The following CAMTA2 variants were observed in gnomAD, a reference collection of about 807,000 sequenced individuals.
The protein encoded by CAMTA2 is calmodulin-binding transcription activator 2.
Under a neutral mutation model 135.7 loss-of-function variants are expected in CAMTA2, and 56 were observed. The ratio of observed to expected loss-of-function variants is 0.41; its 90% CI spans 0.33 to 0.52. The LOEUF (loss-of-function observed/expected upper bound fraction) is 0.52. CAMTA2 is among the 20% of genes least tolerant of loss of function. The pLI, the probability that CAMTA2 is intolerant of heterozygous loss-of-function variation, is 0.16. For synonymous variants in CAMTA2, 591 were observed against 604.6 expected (o/e 0.98, Z 0.33); for missense variants, 1,358 against 1,553.4 (o/e 0.87, Z 2.11).
chr17:4,977,377 T>C (rs937899441), intron 10 of CAMTA2, among the ~76,000 whole-genome samples, 185 bp from the exon 11 acceptor site: 11 of 152,272 alleles, frequency 7.2e-5, no homozygotes, highest in Non-Finnish European at 1.5e-4. Context: ...GAGAACTTAA[T>C]ACGTACTATG....
At chr17:4,973,462 C>T in intron 13 of CAMTA2, 123 bp downstream of exon 13, 1 of 1,051,302 alleles carries the variant, frequency 9.5e-7, no homozygotes, top group Non-Finnish European at 1.4e-6. Flanking sequence ...TCCCAACCCC[C>T]TCCCTTCCCA....
At position 4,970,437 on chromosome 17, in the gene CAMTA2, G is replaced by T; in HGVS notation, c.2908C>A (p.Arg970=). Residue 970 remains arginine (R), a synonymous_variant, in exon 17 of 23, where the codon CGG becomes AGG. Coordinates refer to ENST00000348066, the MANE Select transcript of CAMTA2 (RefSeq NM_015099.4). ...AGCCCCACAGCCCCTGTCCGCTCCC[G>T]CATTGAGGCTCCAGCCTCGGGCAGC... The part of the protein sequence containing the change: ...VGLPEAGASM[R]ERTGAVGLSE... 6.2e-7 allele frequency: 1 copy of T among 1,614,086 alleles called. No individual in the cohort carries two copies. The highest frequency in any genetic ancestry group is 8.5e-7 in the Non-Finnish European group (1 of 1,179,988).
chr17:4,974,317 G>A, intron 12 of CAMTA2, 68 bp downstream of exon 12: 1 of 980,212 alleles, frequency 1.0e-6, no homozygotes, highest in South Asian at 1.3e-5. Context: ...ATGGGCACTA[G>A]ATGTTTTCTT....
Position 4,972,926 on chromosome 17 carries a change from T to C in CAMTA2, c.2346A>G (p.Ala782=). 6.8e-6 allele frequency: 11 copies of C among 1,613,808 alleles called. No homozygotes were observed. The highest frequency in any genetic ancestry group is 9.3e-6 in the Non-Finnish European group (11 of 1,179,998). The change falls in exon 15 of 23, where the codon GCA becomes GCG. Residue 782 remains alanine, a synonymous_variant. Coordinates refer to ENST00000348066, the MANE Select transcript of CAMTA2 (RefSeq NM_015099.4). ...GGCCCAGAGAGTCGGGAATGCTCAG[T>C]GCCTGTCGGTTCCAACGGAAAAGGA... ...AVLLFRWNRQ[A]LSIPDSLGRL...
Position 4,980,471 on chromosome 17 carries a change from G to A in CAMTA2, c.851C>T (p.Pro284Leu). 6.2e-7 allele frequency: 1 copy of A among 1,613,180 alleles called. No homozygotes were observed. Among genetic ancestry groups the A allele is most frequent in the Non-Finnish European group, 8.5e-7 (1 of 1,179,636 alleles). The change falls in exon 9 of 23, where the codon CCC (proline) becomes CTC (leucine). Residue 284 changes from proline (P) to leucine (L), a missense_variant. Pro to Leu is a moderately conservative substitution (Grantham distance 98). Coordinates refer to ENST00000348066, the MANE Select transcript of CAMTA2 (RefSeq NM_015099.4). The surrounding 1 kb of genome is among the most constrained non-coding windows in gnomAD (Gnocchi z 5.3). The part of the protein sequence containing the change: ...PLIAPLPPEL[P>L]KAHTSPSSSS... ...AGAAGATGGGGAGGTGTGTGCCTTG[G>A]GGAGCTCTGGGGGAAGTGGGGCTAT...
rs749557845 is a variant in CAMTA2 at position 4,974,497 on chromosome 17, T to C, written c.1904A>G (p.Asn635Ser). ...CTCTAGTATGGACATCCGGAACTGG[T>C]TGTCTGAGGGGGAACGGGTATGGGA... ...TQLDWLSLDD[N>S]QFRMSILERL... Residue 635 changes from asparagine to serine, a missense_variant, in exon 12 of 23, where the codon AAC becomes AGC. By Grantham distance (46) the Asn-to-Ser change is conservative (BLOSUM62 1). Around this residue, in one of 4 missense-constraint regions of CAMTA2, gnomAD observed 1,077 missense variants for 1,127.5 expected, o/e 0.96. Coordinates refer to ENST00000348066, the MANE Select transcript of CAMTA2 (RefSeq NM_015099.4). 11 of 1,607,614 alleles carry C rather than the reference T, an allele frequency of 6.8e-6. No individual in the cohort carries two copies. In the East Asian group the frequency reaches 1.8e-4, roughly 26 times the overall value.
chr17:4,971,322 C>A (rs753213313), intron 16 of CAMTA2, among the ~76,000 whole-genome samples: 1 of 152,180 alleles, frequency 6.6e-6, no homozygotes, highest in Non-Finnish European at 1.5e-5. Context: ...ACGGTTAACT[C>A]CTACAAACCA....
chr17:4,981,925 C>A, intron 6 of CAMTA2, 94 bp from the exon 7 acceptor site: 9 of 1,388,112 alleles, frequency 6.5e-6, no homozygotes, highest in Non-Finnish European at 8.9e-6. Context: ...ACCCTCCTAA[C>A]CTCGCCCCCA....
chr17:4,973,030 G>A (rs749948490), intron 14 of CAMTA2, 39 bp from the exon 15 acceptor site: 19 of 1,567,566 alleles, frequency 1.2e-5, no homozygotes, highest in Non-Finnish European at 1.7e-5. Flanking sequence ...CGGAGGTGGA[G>A]GTGAGGCCAG....
Position 4,972,448 on chromosome 17 carries a change from G to A in CAMTA2, c.2592C>T (p.Pro864=), listed in dbSNP as rs758145052. 2 of 1,613,650 alleles carry A rather than the reference G, an allele frequency of 1.2e-6. No homozygotes were observed. Among genetic ancestry groups the A allele is most frequent in the Non-Finnish European group, 1.7e-6 (2 of 1,179,766 alleles). The change falls in exon 16 of 23, where the codon CCC becomes CCT. Residue 864 remains proline, a synonymous_variant. Transcript: ENST00000348066. ...SAYSSAPDGS[P]PPAPLPASEM... is the part of the protein sequence containing the mutation. ...CAGAGGCTGGCAGAGGTGCAGGGGGGGGACTGCCATCTGGGGCACTAGAAT... is the reference window on the plus strand; with the variant it reads ...CAGAGGCTGGCAGAGGTGCAGGGGGAGGACTGCCATCTGGGGCACTAGAAT...
Position 4,980,649 on chromosome 17 carries a change from GGA to G in CAMTA2, c.701-30_701-29del, listed in dbSNP as rs1972906630. 1.3e-6 allele frequency: 2 copies of G among 1,569,998 alleles called. No individual in the cohort carries two copies. Among genetic ancestry groups the G allele is most frequent in the Non-Finnish European group, 1.8e-6 (2 of 1,141,310 alleles). On this transcript the variant is annotated intron_variant, in intron 8 of 22. Transcript: ENST00000348066. The surrounding 1 kb of genome is among the most constrained non-coding windows in gnomAD (Gnocchi z 5.3). Reference sequence around the variant, plus strand: ...GGAGTGGAGAGGAGTAGGAGGGAGAGGAGATAAGACACATCATTCCGCACCTT... The same window carrying G: ...GGAGTGGAGAGGAGTAGGAGGGAGAGGATAAGACACATCATTCCGCACCTT...
At chr17:4,976,315 T>A (rs1972613781) in intron 11 of CAMTA2, among the ~76,000 whole-genome samples, 1 of 152,220 alleles carries the variant, frequency 6.6e-6, no homozygotes, top group Non-Finnish European at 1.5e-5. Flanking sequence ...CAGAAATTTT[T>A]ATTTTCTATT....
chr17:4,986,620 T>C (rs1415345152), intron 1 of CAMTA2: 1 of 510,792 alleles, frequency 2.0e-6, no homozygotes, highest in Non-Finnish European at 3.4e-6. Flanking sequence ...GTCCTGGGGG[T>C]TGGGACTCAG....
intron 10 of CAMTA2, among the ~76,000 whole-genome samples, chr17:4,978,171 C>T (rs1159104513): frequency 6.6e-6 from 1 of 152,218 alleles, no homozygotes; most frequent in Admixed American, 6.5e-5. Flanking sequence ...GGCTCTAAGC[C>T]AGAAAGCCTG....
At chr17:4,970,943 C>T (rs550870128) in intron 16 of CAMTA2, among the ~76,000 whole-genome samples, 8 of 152,202 alleles carry the variant, frequency 5.3e-5, no homozygotes, top group Non-Finnish European at 1.0e-4. Context: ...AACTACTACC[C>T]GGATGAATGG....
At chr17:4,982,627 G>T in intron 5 of CAMTA2, 130 bp downstream of exon 5, 1 of 1,005,462 alleles carries the variant, frequency 9.9e-7, no homozygotes, top group Non-Finnish European at 1.5e-6. Context: ...CCCAAAGTGA[G>T]TGAGAAGGGA....
In CAMTA2 at chr17:4,969,991, C is replaced by G. The variant is rs774854607; in HGVS notation, c.3100G>C (p.Asp1034His). ...SASTSGKMES[D>H]FALLTLSDHE... ...TCTGATAGTGTCAGCAGGGCAAAATCACTTTCCATCTTGCCACTGGTGGAT... is the reference window on the plus strand; with the variant it reads ...TCTGATAGTGTCAGCAGGGCAAAATGACTTTCCATCTTGCCACTGGTGGAT... The change falls in exon 18 of 23, where the codon GAT (aspartate) becomes CAT (histidine). Residue 1034 changes from aspartate (D) to histidine (H), a missense_variant. Transcript: ENST00000348066. The surrounding 1 kb of genome is among the most constrained non-coding windows in gnomAD (Gnocchi z 5.6). 21 of 1,614,084 alleles carry G rather than the reference C, an allele frequency of 1.3e-5. No individual in the cohort carries two copies. The South Asian group carries it at 2.3e-4, about 18-fold the overall frequency.
Position 4,982,967 on chromosome 17 carries a change from C to T in CAMTA2, c.203+9G>A, listed in dbSNP as rs1973055895. The T allele has an allele frequency of 2.5e-6, 4 of 1,614,184 alleles. No individual in the cohort carries two copies. The highest frequency in any genetic ancestry group is 2.5e-6 in the Non-Finnish European group (3 of 1,180,020). ...CCTGCCACTCCCCCATGTTCTCAAA[C>T]TTTCTCACCTTGTCTTTGGGGCACA... On this transcript the variant is annotated intron_variant, in intron 4 of 22. Transcript: ENST00000348066.
At chr17:4,976,001 A>G (rs1972590714) in intron 11 of CAMTA2, among the ~76,000 whole-genome samples, 1 of 152,226 alleles carries the variant, frequency 6.6e-6, no homozygotes, top group Non-Finnish European at 1.5e-5. Context: ...GTAGTAGTAT[A>G]GGAAATTTTT....
Sources: gnomAD v4.1 joint callset for allele counts (sites outside exome capture counted in the v4.1 genomes callset) on GRCh38, gnomAD v4.1.1 for gene constraint, gnomAD v4.1.1 regional missense constraint, Gnocchi (gnomAD v3.1) non-coding constraint, MANE v1.5 for transcripts, NCBI Gene and HGNC (gene_info 2026-07-23, HGNC 2026-07-21) for gene names.